SCAPER: variants seen among roughly 807,000 people sequenced by gnomAD.
SCAPER encodes the protein S phase cyclin A-associated protein in the endoplasmic reticulum.
In SCAPER, 98 loss-of-function variants were observed where a neutral mutation model predicts 182.2. The ratio of observed to expected loss-of-function variants is 0.54; its 90% CI spans 0.46 to 0.64. SCAPER has a LOEUF of 0.64. SCAPER is among the 30% of genes least tolerant of loss of function. SCAPER has a pLI of 0.00. For synonymous variants in SCAPER, 605 were observed against 564.6 expected (o/e 1.07, Z -1.01); for missense variants, 1,432 against 1,690.0 (o/e 0.85, Z 2.68).
intron 29 of SCAPER, among the ~76,000 whole-genome samples, chr15:76,356,220 A>C (rs956393809): frequency 6.6e-6 from 1 of 152,210 alleles, no homozygotes; most frequent in Non-Finnish European, 1.5e-5. Flanking sequence ...CTTGTGGCAT[A>C]GAGGGTGGCA....
intron 9 of SCAPER, among the ~76,000 whole-genome samples, 200 bp downstream of exon 9, chr15:76,774,655 T>C (rs1205725811): frequency 2.0e-5 from 3 of 152,256 alleles, no homozygotes; most frequent in South Asian, 2.1e-4. Context: ...AGAAAAAATG[T>C]GGCAAATGTT....
chr15:76,426,053 G>A (rs1218036457), intron 26 of SCAPER, among the ~76,000 whole-genome samples: 5 of 152,176 alleles, frequency 3.3e-5, no homozygotes, highest in African/African-American at 7.2e-5. Flanking sequence ...TAGGCTACTC[G>A]GGGGTCAGGG....
intron 22 of SCAPER, among the ~76,000 whole-genome samples, chr15:76,600,387 ATG>A (rs60494575): frequency 0.03 from 2,644 of 88,676 alleles, 263 homozygotes; most frequent in African/African-American, 0.071. Flanking sequence ...GTGTGTGTAT[ATG>A]TGTGTGTGTG....
intron 8 of SCAPER, among the ~76,000 whole-genome samples, chr15:76,784,316 A>C (rs544173073): frequency 1.3e-5 from 2 of 152,104 alleles, no homozygotes; most frequent in Admixed American, 1.3e-4. Flanking sequence ...TACCTAGGAA[A>C]CCAACTTACA....
intron 22 of SCAPER, among the ~76,000 whole-genome samples, chr15:76,613,429 CATT>C (rs1268699535): frequency 6.6e-6 from 1 of 152,110 alleles, no homozygotes; most frequent in Non-Finnish European, 1.5e-5. Flanking sequence ...AATGGTATCT[CATT>C]AAACTAAAGG....
chr15:76,704,732 G>A lies in SCAPER; in HGVS notation c.2247+1171C>T, dbSNP rs564863803. 1.1e-4 allele frequency among the ~76,000 whole-genome samples: 17 copies of A among 152,250 alleles called. No individual in the cohort carries two copies. In the South Asian group the frequency reaches 1.7e-3, roughly 15 times the overall value. Reference sequence around the variant, plus strand: ...CAAACAACCCCATCAAAGAGTGGGCGAAGGATATGAACAGACCCTTCTCAA... The same window carrying A: ...CAAACAACCCCATCAAAGAGTGGGCAAAGGATATGAACAGACCCTTCTCAA... On this transcript the variant is annotated intron_variant, in intron 18 of 31. Transcript: ENST00000563290.
chr15:76,387,565 T>G (rs1209573840), intron 27 of SCAPER, among the ~76,000 whole-genome samples: 5 of 152,068 alleles, frequency 3.3e-5, no homozygotes, highest in Admixed American at 2.6e-4. Flanking sequence ...GAGTCTAGAG[T>G]CTGAGGATTG....
chr15:76,905,271 G>A, intron 1 of SCAPER, 28 bp downstream of exon 1: 1 of 255,108 alleles, frequency 3.9e-6, no homozygotes, highest in Non-Finnish European at 8.0e-6. Flanking sequence ...CCGGGTCTGC[G>A]CTACGCACGC....
intron 21 of SCAPER, among the ~76,000 whole-genome samples, chr15:76,624,710 C>G (rs530645555): frequency 6.6e-6 from 1 of 152,292 alleles, no homozygotes; most frequent in Non-Finnish European, 1.5e-5. Context: ...ACACCTCAAG[C>G]CCCAGTAGTG....
intron 23 of SCAPER, among the ~76,000 whole-genome samples, chr15:76,517,796 AG>A (rs1418164158): frequency 1.3e-5 from 2 of 152,262 alleles, no homozygotes; most frequent in Admixed American, 1.3e-4. Flanking sequence ...GATTGAATAT[AG>A]AATACCACAT....
intron 23 of SCAPER, among the ~76,000 whole-genome samples, chr15:76,507,534 T>G (rs2041691370): frequency 1.3e-5 from 2 of 151,926 alleles, no homozygotes; most frequent in Non-Finnish European, 2.9e-5. Flanking sequence ...GAAAAGGGAG[T>G]AGGGAGAAGA....
chr15:76,876,790 T>C (rs1159946607), intron 2 of SCAPER, among the ~76,000 whole-genome samples: 1 of 152,202 alleles, frequency 6.6e-6, no homozygotes, highest in African/African-American at 2.4e-5. Context: ...GGATGCCTAC[T>C]ACTATCACTA....
chr15:76,839,891 A>G (rs763243988), intron 5 of SCAPER, among the ~76,000 whole-genome samples: 1 of 152,230 alleles, frequency 6.6e-6, no homozygotes, highest in East Asian at 1.9e-4. Flanking sequence ...AAAAGTATAT[A>G]TATTTTTAAG....
At chr15:76,878,481 A>C (rs1263567186) in intron 2 of SCAPER, among the ~76,000 whole-genome samples, 1 of 152,202 alleles carries the variant, frequency 6.6e-6, no homozygotes, top group Non-Finnish European at 1.5e-5. Flanking sequence ...AAAATTTAAT[A>C]ACCAAGCTTC....
chr15:76,850,178 C>A (rs776835583), intron 4 of SCAPER, among the ~76,000 whole-genome samples: 1 of 152,162 alleles, frequency 6.6e-6, no homozygotes, highest in Admixed American at 6.5e-5. Flanking sequence ...CAAATAAAGA[C>A]CTTGCACAAA....
chr15:76,586,020 C>T (rs949128729), intron 22 of SCAPER, among the ~76,000 whole-genome samples: 7 of 152,122 alleles, frequency 4.6e-5, no homozygotes, highest in Non-Finnish European at 8.8e-5. Context: ...AAGTATCTGT[C>T]AGGTAAATGG....
At chr15:76,605,134 A>C (rs1476932293) in intron 22 of SCAPER, among the ~76,000 whole-genome samples, 2 of 152,136 alleles carry the variant, frequency 1.3e-5, no homozygotes, top group Non-Finnish European at 2.9e-5. Flanking sequence ...GTTTTTGCTC[A>C]TTCCGTATGA....
At position 76,572,940 on chromosome 15, in the gene SCAPER, C is replaced by CACACACAT. The variant is rs1435829661; in HGVS notation, c.2838+1217_2838+1218insATGTGTGT. ...TCTCTCACACACACACACACACACA[C>CACACACAT]ACACAGAGAAATGTCCACTGTCAGA... On this transcript the variant is annotated intron_variant, in intron 23 of 31. Coordinates refer to ENST00000563290, the MANE Select transcript of SCAPER (RefSeq NM_020843.4). Among the ~76,000 whole-genome samples the CACACACAT allele has an allele frequency of 7.6e-3, 1,147 of 151,438 alleles. 17 individuals are homozygous for CACACACAT. Among genetic ancestry groups the CACACACAT allele is most frequent in the African/African-American group, 0.027 (1,097 of 41,012 alleles).
At chr15:76,537,409 C>T (rs180852064) in intron 23 of SCAPER, among the ~76,000 whole-genome samples, 164 of 152,222 alleles carry the variant, frequency 1.1e-3, no homozygotes, top group African/African-American at 3.2e-3. Context: ...TCAGAAATAA[C>T]GCTGCTTATC....
Sources: allele counts gnomAD v4.1 joint callset (sites outside exome capture counted in the v4.1 genomes callset), GRCh38; gene constraint gnomAD v4.1.1; transcripts MANE v1.5; gene names NCBI Gene and HGNC (gene_info 2026-07-23, HGNC 2026-07-21).